The following STAG1 variants were observed in gnomAD, a reference collection of about 807,000 sequenced individuals.
The protein encoded by STAG1 is STAG1 cohesin complex component.
In STAG1, 26 loss-of-function variants were observed where a neutral mutation model predicts 170.9. That is an observed-to-expected ratio of 0.15 (90% CI 0.11 to 0.21). The LOEUF (loss-of-function observed/expected upper bound fraction) is 0.21, where lower values mean the gene tolerates loss of function less well. STAG1 is among the 10% of genes least tolerant of loss of function. The probability of loss-of-function intolerance (pLI) is 1.00; values close to 1 mark genes in which losing one functional copy is unlikely to be tolerated. For synonymous variants in STAG1, 514 were observed against 497.7 expected (o/e 1.03, Z -0.44); for missense variants, 964 against 1,509.5 (o/e 0.64, Z 5.99).
chr3:136,546,338 A>G (rs1413877522), intron 5 of STAG1, among the ~76,000 whole-genome samples: 2 of 152,204 alleles, frequency 1.3e-5, no homozygotes, highest in Non-Finnish European at 2.9e-5. Context: ...CATGGACTCC[A>G]AAGTACCTAT....
chr3:136,448,196 A>T (rs949047834), intron 14 of STAG1, among the ~76,000 whole-genome samples: 2 of 152,196 alleles, frequency 1.3e-5, no homozygotes, highest in African/African-American at 4.8e-5. Context: ...AATTCTACTA[A>T]AATGTTACTA....
intron 6 of STAG1, among the ~76,000 whole-genome samples, chr3:136,526,927 C>G (rs965507356): frequency 6.6e-6 from 1 of 152,208 alleles, no homozygotes; most frequent in Admixed American, 6.5e-5. Flanking sequence ...GGCTCCCACT[C>G]TCTTCTGGCT....
intron 1 of STAG1, among the ~76,000 whole-genome samples, chr3:136,702,117 GAGAGACAGAGAGACAGAGAGAC>G (rs1943094308): frequency 2.8e-5 from 2 of 71,746 alleles, no homozygotes; most frequent in African/African-American, 1.2e-4. Flanking sequence ...GAGAGAGAGA[GAGAGACAGAGAGACAGAGAGAC>G]AGAGAGACAG....
chr3:136,729,877 CTTTTTTTTTT>C (rs36212432), intron 1 of STAG1, among the ~76,000 whole-genome samples: 677 of 58,530 alleles, frequency 0.012, 7 homozygotes, highest in East Asian at 0.06. Context: ...CCACGCCAGG[CTTTTTTTTTT>C]TTTTTTTTTT....
chr3:136,615,263 T>C (rs571794162), intron 3 of STAG1, among the ~76,000 whole-genome samples: 28 of 151,876 alleles, frequency 1.8e-4, no homozygotes, highest in Non-Finnish European at 2.5e-4. Flanking sequence ...AAGAGACAGA[T>C]AGATACCTGA....
chr3:136,604,555 T>C, intron 3 of STAG1, 82 bp from the exon 4 acceptor site: 1 of 1,205,908 alleles, frequency 8.3e-7, no homozygotes, highest in Non-Finnish European at 1.1e-6. Context: ...AGAAGAAATA[T>C]AATCCCTAAC....
At chr3:136,741,561 C>T (rs1340677673) in intron 1 of STAG1, among the ~76,000 whole-genome samples, 1 of 152,150 alleles carries the variant, frequency 6.6e-6, no homozygotes, top group Non-Finnish European at 1.5e-5. Context: ...CTCCACCTCC[C>T]GGGTTCAAGC....
At chr3:136,728,070 A>G (rs1320196341) in intron 1 of STAG1, among the ~76,000 whole-genome samples, 1 of 152,036 alleles carries the variant, frequency 6.6e-6, no homozygotes, top group Non-Finnish European at 1.5e-5. Flanking sequence ...GAGACAGGGG[A>G]GCTGCTTGAA....
intron 3 of STAG1, among the ~76,000 whole-genome samples, chr3:136,607,800 T>A (rs1449541041): frequency 6.6e-6 from 1 of 152,252 alleles, no homozygotes; most frequent in African/African-American, 2.4e-5. Context: ...CATAATCACA[T>A]CATTCTGTGT....
intron 4 of STAG1, among the ~76,000 whole-genome samples, chr3:136,592,219 T>C (rs1306992034): frequency 1.3e-5 from 2 of 152,220 alleles, no homozygotes; most frequent in African/African-American, 4.8e-5. Flanking sequence ...AAATCTCATT[T>C]TGAATTGTAA....
intron 6 of STAG1, among the ~76,000 whole-genome samples, chr3:136,540,063 C>G (rs937388993): frequency 6.6e-6 from 1 of 151,744 alleles, no homozygotes; most frequent in South Asian, 2.1e-4. Flanking sequence ...TTTAATAAAG[C>G]TAACCTCCTC....
Position 136,597,106 on chromosome 3 carries a change from T to A in STAG1, c.297+7203A>T, listed in dbSNP as rs371761267. 1.2e-4 allele frequency among the ~76,000 whole-genome samples: 18 copies of A among 152,278 alleles called. No individual in the cohort carries two copies. The South Asian group carries it at 3.7e-3, about 32-fold the overall frequency. Reference sequence around the variant, plus strand: ...AAAATTTTTTTTCAGAGTTTAAATATACCACAGTTTATCAATTATCCTGTT... The same window carrying A: ...AAAATTTTTTTTCAGAGTTTAAATAAACCACAGTTTATCAATTATCCTGTT... On this transcript the variant is annotated intron_variant, in intron 4 of 33. Coordinates refer to ENST00000383202, the MANE Select transcript of STAG1 (RefSeq NM_005862.3).
intron 7 of STAG1, among the ~76,000 whole-genome samples, chr3:136,513,263 G>A (rs556694178): frequency 6.6e-6 from 1 of 152,064 alleles, no homozygotes; most frequent in South Asian, 2.1e-4. Flanking sequence ...GCTGAGGTCG[G>A]AGAGTATCCC....
intron 14 of STAG1, among the ~76,000 whole-genome samples, chr3:136,444,207 G>A (rs956995445): frequency 2.6e-5 from 4 of 152,080 alleles, no homozygotes; most frequent in Non-Finnish European, 5.9e-5. Flanking sequence ...CCGAGTAGCT[G>A]GGATTACAGG....
intron 21 of STAG1, chr3:136,417,661 ATTT>A (rs1411773190): frequency 1.6e-5 from 7 of 425,026 alleles, no homozygotes; most frequent in Non-Finnish European, 2.9e-5. Flanking sequence ...TAACAGTAAA[ATTT>A]TTAAGATATG....
At position 136,729,724 on chromosome 3, in the gene STAG1, C is replaced by T. The variant is rs1380446196; in HGVS notation, c.-84+22471G>A. On this transcript the variant is annotated intron_variant, in intron 1 of 33. Coordinates refer to ENST00000383202, the MANE Select transcript of STAG1 (RefSeq NM_005862.3). ...AGTAGCTGGGATTACAGGCATGTGC[C>T]TCCACGCCCAGCTAATTTTTGTATT... 4.0e-5 allele frequency among the ~76,000 whole-genome samples: 6 copies of T among 151,346 alleles called. No homozygotes were observed. In the East Asian group the frequency reaches 7.8e-4, roughly 20 times the overall value.
intron 4 of STAG1, among the ~76,000 whole-genome samples, chr3:136,594,759 T>C (rs1211632344): frequency 1.3e-5 from 2 of 152,296 alleles, no homozygotes; most frequent in South Asian, 2.1e-4. Flanking sequence ...TTTTGTTGAA[T>C]GAATAAACGA....
intron 6 of STAG1, among the ~76,000 whole-genome samples, chr3:136,528,502 C>CGTGA (rs796340809): frequency 6.9e-6 from 1 of 144,324 alleles, no homozygotes; most frequent in Admixed American, 6.8e-5. Flanking sequence ...GCACCCCCCC[C>CGTGA]CCCAAAAAAT....
chr3:136,343,777 T>C (rs1290116567), intron 30 of STAG1, 55 bp downstream of exon 30: 1 of 1,392,586 alleles, frequency 7.2e-7, no homozygotes, highest in Admixed American at 2.5e-5. Context: ...TTTTCTTAAA[T>C]AGTTTTACTT....
Sources: allele counts gnomAD v4.1 joint callset (sites outside exome capture counted in the v4.1 genomes callset), GRCh38; gene constraint gnomAD v4.1.1; transcripts MANE v1.5; gene names NCBI Gene and HGNC (gene_info 2026-07-23, HGNC 2026-07-21).